Variants in PSD3 observed in about 807,000 individuals in gnomAD.
PSD3 encodes the protein pleckstrin and Sec7 domain containing 3.
In PSD3, 49 loss-of-function variants were observed where a neutral mutation model predicts 105.5. That is an observed-to-expected ratio of 0.46 (90% CI 0.37 to 0.59). The LOEUF (loss-of-function observed/expected upper bound fraction) is 0.59, where lower values mean the gene tolerates loss of function less well. Among genes scored for constraint, PSD3 ranks in the 20% least tolerant of loss-of-function variants. PSD3 has a pLI of 0.00. For missense variants in PSD3, 1,561 were observed against 1,263.8 expected (o/e 1.24, Z -3.57); for synonymous variants, 557 against 457.8 (o/e 1.22, Z -2.77).
intron 1 of PSD3, among the ~76,000 whole-genome samples, chr8:18,978,217 G>C (rs898452509): frequency 1.3e-5 from 2 of 152,230 alleles, no homozygotes; most frequent in African/African-American, 4.8e-5. Context: ...AAGGCTAAAA[G>C]CAACACTGCA....
intron 14 of PSD3, among the ~76,000 whole-genome samples, chr8:18,559,134 T>C (rs1801246647): frequency 6.6e-6 from 1 of 152,218 alleles, no homozygotes; most frequent in Non-Finnish European, 1.5e-5. Flanking sequence ...AGAGTTTTTC[T>C]ATAGTGTGTC....
Position 18,872,123 on chromosome 8 carries a change from A to C in PSD3, c.741T>G (p.Ser247=). The part of the protein sequence containing the change: ...RKGAVCVQEP[S]CPLASLGSSA... ...AGCTCCCGAGGGAGGCCAAAGGACA[A>C]GATGGCTCCTGCACACAGACAGCCC... Residue 247 remains serine, a synonymous_variant, in exon 3 of 16, where the codon TCT becomes TCG. Coordinates refer to ENST00000327040, the MANE Select transcript of PSD3 (RefSeq NM_015310.4). 1 of 1,614,162 alleles carries C rather than the reference A, an allele frequency of 6.2e-7. No individual in the cohort carries two copies. The highest frequency in any genetic ancestry group is 8.5e-7 in the Non-Finnish European group (1 of 1,179,994).
intron 6 of PSD3, chr8:18,802,290 A>G: frequency 2.5e-6 from 1 of 395,218 alleles, no homozygotes; most frequent in Non-Finnish European, 5.2e-6. Flanking sequence ...CGGAGTCACT[A>G]AGAGCACTGT....
At chr8:18,697,101 T>A (rs954440446) in intron 9 of PSD3, among the ~76,000 whole-genome samples, 7 of 152,178 alleles carry the variant, frequency 4.6e-5, no homozygotes, top group African/African-American at 1.7e-4. Flanking sequence ...TAAAAGAAGT[T>A]ATTTCAACAT....
chr8:18,922,716 A>G (rs999390325), intron 2 of PSD3, among the ~76,000 whole-genome samples: 3 of 149,248 alleles, frequency 2.0e-5, no homozygotes, highest in Non-Finnish European at 4.5e-5. Context: ...CTGACTGGCT[A>G]TAAATCAGGA....
intron 10 of PSD3, among the ~76,000 whole-genome samples, chr8:18,647,417 A>G (rs752722057): frequency 1.1e-4 from 16 of 152,238 alleles, no homozygotes; most frequent in Non-Finnish European, 1.5e-4. Context: ...TGTTATTGTT[A>G]TAAAATGAGT....
intron 12 of PSD3, among the ~76,000 whole-genome samples, chr8:18,595,391 T>C (rs1804015731): frequency 2.0e-5 from 3 of 150,464 alleles, no homozygotes; most frequent in African/African-American, 7.3e-5. Flanking sequence ...ACTTTAAATA[T>C]GAATGGATTA....
intron 2 of PSD3, among the ~76,000 whole-genome samples, chr8:18,874,668 A>C (rs1563373676): frequency 7.0e-6 from 1 of 142,798 alleles, no homozygotes; most frequent in Non-Finnish European, 1.5e-5. Flanking sequence ...GCACCATTGT[A>C]GTCCAGCCTG....
upstream of PSD3, among the ~76,000 whole-genome samples, chr8:19,017,993 G>T (rs1028336891): frequency 7.9e-5 from 12 of 152,058 alleles, no homozygotes; most frequent in African/African-American, 2.9e-4. Flanking sequence ...CACAGTGGCC[G>T]CACCACTCTA....
At chr8:18,607,823 G>A (rs751328035) in intron 11 of PSD3, among the ~76,000 whole-genome samples, 2 of 152,140 alleles carry the variant, frequency 1.3e-5, no homozygotes, top group African/African-American at 2.4e-5. Context: ...CATGGCTGGG[G>A]ATGCCTCAGG....
intron 1 of PSD3, among the ~76,000 whole-genome samples, chr8:18,962,839 C>T (rs1318030953): frequency 6.6e-6 from 1 of 152,226 alleles, no homozygotes; most frequent in African/African-American, 2.4e-5. Context: ...TCTTGTCACT[C>T]CTATCTTGCA....
intron 4 of PSD3, among the ~76,000 whole-genome samples, chr8:18,829,830 G>A (rs762025239): frequency 1.3e-5 from 2 of 151,874 alleles, no homozygotes; most frequent in African/African-American, 2.4e-5. Context: ...CTACAATTTT[G>A]TAAAAAGACA....
At chr8:19,032,236 A>C (rs529586705) in intron 1 of PSD3, among the ~76,000 whole-genome samples, 1 of 147,098 alleles carries the variant, frequency 6.8e-6, no homozygotes, top group Non-Finnish European at 1.5e-5. Context: ...AAAGTTCAAC[A>C]GTTCATCCAC....
chr8:18,971,203 A>T (rs749865080), intron 1 of PSD3, among the ~76,000 whole-genome samples: 17 of 152,156 alleles, frequency 1.1e-4, no homozygotes, highest in Non-Finnish European at 1.2e-4. Flanking sequence ...TTTAGGTAGA[A>T]AAGGTGTGTG....
At chr8:18,807,731 A>G (rs1348722428) in intron 4 of PSD3, among the ~76,000 whole-genome samples, 1 of 152,170 alleles carries the variant, frequency 6.6e-6, no homozygotes, top group Non-Finnish European at 1.5e-5. Context: ...GTTAAAATAA[A>G]TTGCTTCATT....
At chr8:18,553,903 C>CATAT (rs1280909545) in intron 15 of PSD3, among the ~76,000 whole-genome samples, 3 of 152,138 alleles carry the variant, frequency 2.0e-5, no homozygotes, top group Non-Finnish European at 4.4e-5. Flanking sequence ...ACCTGCTTGA[C>CATAT]ATATTAGCAT....
intron 1 of PSD3, among the ~76,000 whole-genome samples, chr8:18,943,620 A>AG (rs1351195565): frequency 6.6e-6 from 1 of 152,138 alleles, no homozygotes; most frequent in Non-Finnish European, 1.5e-5. Flanking sequence ...TAGATAACAG[A>AG]GGACTATTCA....
At chr8:18,682,927 C>G (rs1167159124) in intron 9 of PSD3, among the ~76,000 whole-genome samples, 3 of 151,968 alleles carry the variant, frequency 2.0e-5, no homozygotes, top group Admixed American at 2.0e-4. Context: ...CATTATCAAG[C>G]CCATGAATCT....
intron 8 of PSD3, among the ~76,000 whole-genome samples, chr8:18,774,371 T>C (rs1313048886): frequency 1.3e-5 from 2 of 152,202 alleles, no homozygotes; most frequent in East Asian, 1.9e-4. Context: ...CTTCTTTGTG[T>C]TGGGAACATT....
Sources: allele counts gnomAD v4.1 joint callset (sites outside exome capture counted in the v4.1 genomes callset), GRCh38; gene constraint gnomAD v4.1.1; transcripts MANE v1.5; gene names NCBI Gene and HGNC (gene_info 2026-07-23, HGNC 2026-07-21).